The following OPTN variants were observed in gnomAD, a reference collection of about 807,000 sequenced individuals.
OPTN encodes E3-14.7K-interacting protein.
A neutral mutation model predicts 70.4 loss-of-function variants in OPTN; 54 were observed. That is an observed-to-expected ratio of 0.77 (90% CI 0.62 to 0.96). The LOEUF (loss-of-function observed/expected upper bound fraction) is 0.96. Among genes scored for constraint, OPTN ranks in the 40% least tolerant of loss-of-function variants. The pLI is 0.00. For synonymous variants in OPTN, 256 were observed against 248.5 expected (o/e 1.03, Z -0.28); for missense variants, 624 against 673.2 (o/e 0.93, Z 0.81).
intron 1 of OPTN, among the ~76,000 whole-genome samples, chr10:13,100,744 CAT>C (rs1056708879): frequency 5.9e-5 from 9 of 152,310 alleles, no homozygotes; most frequent in Admixed American, 1.3e-4. Flanking sequence ...TGGGAATCCA[CAT>C]AGACTGCTGT....
chr10:13,133,696 A>G, intron 14 of OPTN, 115 bp downstream of exon 14: 1 of 867,296 alleles, frequency 1.2e-6, no homozygotes, highest in East Asian at 2.6e-5. Context: ...CACCAAAAAT[A>G]TAGCACCCGT....
rs1427726302 is a variant in OPTN, at chr10:13,137,875, T to C, written c.*1009T>C. 1 of 225,268 alleles carries C rather than the reference T, an allele frequency of 4.4e-6. No individual in the cohort carries two copies. Among genetic ancestry groups the C allele is most frequent in the African/African-American group, 2.2e-5 (1 of 44,912 alleles). The allele number at this position is 225,268 out of a possible 1,614,324, so 14.0% of individuals were successfully genotyped here. A position where few individuals can be genotyped will look rare whatever the true frequency, so the allele number is the denominator to read the frequency against. On this transcript the variant is annotated 3_prime_UTR_variant, in exon 15 of 15. Transcript: ENST00000378747. ...CAGGCCTGTGGGCTTGTACAGTAGA[T>C]AATTAATTTCTAAAAAGAACAGCTG...
intron 6 of OPTN, among the ~76,000 whole-genome samples, chr10:13,118,604 G>C (rs1360212066): frequency 1.3e-5 from 2 of 152,146 alleles, no homozygotes; most frequent in Admixed American, 1.3e-4. Context: ...TGAGTTTTGT[G>C]GTGTGGTGTG....
At chr10:13,111,552 G>C (rs955372845) in intron 4 of OPTN, among the ~76,000 whole-genome samples, 4 of 151,928 alleles carry the variant, frequency 2.6e-5, no homozygotes, top group Non-Finnish European at 4.4e-5. Flanking sequence ...ACAAAAATTA[G>C]CCAGGCATGG....
At chr10:13,121,239 G>A (rs542666120) in intron 7 of OPTN, among the ~76,000 whole-genome samples, 82 of 152,248 alleles carry the variant, frequency 5.4e-4, no homozygotes, top group Middle Eastern at 3.4e-3. Context: ...AATTGCACTC[G>A]AGAGATAGTG....
At chr10:13,115,120 T>C (rs1833134032) in intron 5 of OPTN, among the ~76,000 whole-genome samples, 1 of 99,398 alleles carries the variant, frequency 1.0e-5, no homozygotes, top group African/African-American at 4.1e-5. Flanking sequence ...ATATTATATA[T>C]ATATATAAAT....
intron 8 of OPTN, 33 bp downstream of exon 8, chr10:13,122,520 C>A (rs1318238473): frequency 7.3e-7 from 1 of 1,369,178 alleles, no homozygotes; most frequent in Non-Finnish European, 1.0e-6. Flanking sequence ...CACTACCACA[C>A]CCACACACAC....
chr10:13,124,375 A>G (rs537758680), intron 9 of OPTN, among the ~76,000 whole-genome samples: 1 of 152,352 alleles, frequency 6.6e-6, no homozygotes, highest in Admixed American at 6.5e-5. Flanking sequence ...AGATCTCTAC[A>G]GTAAAGCTGT....
At chr10:13,125,221 T>C (rs1833432605) in intron 9 of OPTN, among the ~76,000 whole-genome samples, 197 bp from the exon 10 acceptor site, 1 of 152,244 alleles carries the variant, frequency 6.6e-6, no homozygotes, top group Non-Finnish European at 1.5e-5. Context: ...ATCTGTACTT[T>C]TTTATGTTTA....
chr10:13,103,886 CAATT>C (rs1480892397), intron 1 of OPTN, among the ~76,000 whole-genome samples: 2 of 152,250 alleles, frequency 1.3e-5, no homozygotes, highest in East Asian at 3.9e-4. Flanking sequence ...ATCCTGTGCT[CAATT>C]AATTCATCCT....
At position 13,137,782 on chromosome 10, in the gene OPTN, T is replaced by G. The variant is rs924819901; in HGVS notation, c.*916T>G. ...TTGGCATCGATGAAACCGATAACAT[T>G]GGCCTCATTGGATTTCTTTACCCAT... On this transcript the variant is annotated 3_prime_UTR_variant, in exon 15 of 15. Coordinates refer to ENST00000378747, the MANE Select transcript of OPTN (RefSeq NM_001008212.2). 1 of 228,008 alleles carries G rather than the reference T, an allele frequency of 4.4e-6. No homozygotes were observed. Among genetic ancestry groups the G allele is most frequent in the African/African-American group, 2.2e-5 (1 of 45,076 alleles). 14.1% of individuals were successfully genotyped at this position (228,008 alleles called of 1,614,324 possible). A position where few individuals can be genotyped will look rare whatever the true frequency, so the allele number is the denominator to read the frequency against.
chr10:13,113,878 C>T (rs961179597), intron 5 of OPTN, among the ~76,000 whole-genome samples: 12 of 151,686 alleles, frequency 7.9e-5, no homozygotes, highest in African/African-American at 1.9e-4. Context: ...GGCAACCTGG[C>T]GAAACCCTGT....
intron 8 of OPTN, 140 bp downstream of exon 8, chr10:13,122,627 T>A (rs896132195): frequency 1.3e-5 from 9 of 719,662 alleles, no homozygotes; most frequent in Admixed American, 2.0e-5. Context: ...TATCTATTCC[T>A]TTTATATGTC....
chr10:13,119,981 CTTTTTTTTTT>C (rs35284693), intron 7 of OPTN, among the ~76,000 whole-genome samples: 5 of 117,616 alleles, frequency 4.3e-5, no homozygotes, highest in Non-Finnish European at 7.1e-5. Context: ...TATTTTCTTT[CTTTTTTTTTT>C]TTTTTTTTTG....
intron 3 of OPTN, chr10:13,109,507 A>G: frequency 1.8e-6 from 1 of 555,920 alleles, no homozygotes; most frequent in Non-Finnish European, 3.2e-6. Context: ...TCAAGGAAGT[A>G]GCATAATGAT....
At chr10:13,134,069 A>T (rs998360214) in intron 14 of OPTN, among the ~76,000 whole-genome samples, 34 of 152,210 alleles carry the variant, frequency 2.2e-4, no homozygotes, top group African/African-American at 8.0e-4. Context: ...TCGGTCTCCC[A>T]AAGTACCGGG....
At chr10:13,135,539 C>T (rs1238884115) in intron 14 of OPTN, among the ~76,000 whole-genome samples, 1 of 151,900 alleles carries the variant, frequency 6.6e-6, no homozygotes, top group Non-Finnish European at 1.5e-5. Flanking sequence ...TAACACTCAC[C>T]TGGCCTAACA....
chr10:13,100,464 C>T (rs1027935577), intron 1 of OPTN, among the ~76,000 whole-genome samples, 162 bp downstream of exon 1: 2 of 152,196 alleles, frequency 1.3e-5, no homozygotes, highest in Admixed American at 1.3e-4. Flanking sequence ...CGCGAGACGG[C>T]TGCCCTGGGA....
At chr10:13,126,952 A>G (rs1351911114) in intron 11 of OPTN, among the ~76,000 whole-genome samples, 1 of 152,144 alleles carries the variant, frequency 6.6e-6, no homozygotes, top group Non-Finnish European at 1.5e-5. Flanking sequence ...TGAGCCTAGG[A>G]GGTCAAGGCT....
Sources: gnomAD v4.1 joint callset for allele counts (sites outside exome capture counted in the v4.1 genomes callset) on GRCh38, gnomAD v4.1.1 for gene constraint, MANE v1.5 for transcripts, NCBI Gene and HGNC (gene_info 2026-07-23, HGNC 2026-07-21) for gene names.